Variants in EFTUD2 observed in about 807,000 individuals in gnomAD.
EFTUD2 encodes elongation factor Tu GTP binding domain containing 2.
A neutral mutation model predicts 114.3 loss-of-function variants in EFTUD2; 9 were observed. The observed-to-expected ratio is 0.08, with a 90% CI of 0.05 to 0.14. The LOEUF (loss-of-function observed/expected upper bound fraction) is 0.14, where lower values mean the gene tolerates loss of function less well. EFTUD2 is among the 10% of genes least tolerant of loss of function. The probability of loss-of-function intolerance (pLI) is 1.00; values close to 1 mark genes in which losing one functional copy is unlikely to be tolerated. For missense variants in EFTUD2, 765 were observed against 1,241.2 expected (o/e 0.62, Z 5.76); for synonymous variants, 449 against 462.3 (o/e 0.97, Z 0.37).
intron 13 of EFTUD2, among the ~76,000 whole-genome samples, chr17:44,866,047 C>A (rs1403920590): frequency 6.6e-6 from 1 of 152,076 alleles, no homozygotes; most frequent in South Asian, 2.1e-4. Flanking sequence ...TGATCTCAAG[C>A]GATCTGCCCA....
chr17:44,854,230 C>A lies in EFTUD2; in HGVS notation c.2347+39G>T, dbSNP rs757416223. 10 of 1,576,476 alleles carry A rather than the reference C, an allele frequency of 6.3e-6. No homozygotes were observed. The East Asian group carries it at 1.8e-4, about 28-fold the overall frequency. ...CCACTCATATGCCTGGCTGCAAGGA[C>A]CCTCGAGGACTGGGGTGGGGGAGTG... On this transcript the variant is annotated intron_variant, in intron 23 of 27. Coordinates refer to ENST00000426333, the MANE Select transcript of EFTUD2 (RefSeq NM_004247.4). This position sits in a 1 kb window ranked among gnomAD's most constrained non-coding sequence, Gnocchi z 4.3.
intron 10 of EFTUD2, among the ~76,000 whole-genome samples, chr17:44,875,356 C>T (rs928548165): frequency 2.0e-5 from 3 of 152,046 alleles, no homozygotes; most frequent in African/African-American, 7.2e-5. Context: ...CAGTGAAACC[C>T]TGTCTCTACT....
At position 44,853,293 on chromosome 17, in the gene EFTUD2, C is replaced by T. The variant is rs770770929; in HGVS notation, c.2561+3G>A. ...TCTCCCTAATACGCCTGGGGCCGCT[C>T]ACCTGCGCCTGGCCAGGACGGTATA... On this transcript the variant is annotated splice_donor_region_variant and intron_variant, in intron 25 of 27. Coordinates refer to ENST00000426333, the MANE Select transcript of EFTUD2 (RefSeq NM_004247.4). 5 of 1,613,682 alleles carry T rather than the reference C, an allele frequency of 3.1e-6. No homozygotes were observed. Among genetic ancestry groups the T allele is most frequent in the Non-Finnish European group, 3.4e-6 (4 of 1,179,772 alleles).
intron 20 of EFTUD2, among the ~76,000 whole-genome samples, chr17:44,855,646 C>T (rs1439791667): frequency 6.6e-6 from 1 of 151,888 alleles, no homozygotes; most frequent in Non-Finnish European, 1.5e-5. Flanking sequence ...AGCAAGAGAC[C>T]CCATCTCTAT....
intron 11 of EFTUD2, among the ~76,000 whole-genome samples, chr17:44,870,360 T>C (rs2050824971): frequency 6.6e-6 from 1 of 152,246 alleles, no homozygotes; most frequent in Non-Finnish European, 1.5e-5. Context: ...TTTAATTTCA[T>C]TTATTGTTTA....
At chr17:44,852,673 A>C in intron 25 of EFTUD2, 111 bp from the exon 26 acceptor site, 1 of 1,284,630 alleles carries the variant, frequency 7.8e-7, no homozygotes. Context: ...GTTACCATCA[A>C]AGAAAGAGTA....
rs2050777194 is a variant in EFTUD2, at chr17:44,867,812, C to T, written c.1144G>A (p.Ala382Thr). 3 of 1,591,848 alleles carry T rather than the reference C, an allele frequency of 1.9e-6. No homozygotes were observed. Among genetic ancestry groups the T allele is most frequent in the Non-Finnish European group, 2.6e-6 (3 of 1,168,258 alleles). Residue 382 changes from alanine (A) to threonine (T), a missense_variant, in exon 13 of 28, where the codon GCC becomes ACC. Around this residue, in one of 6 missense-constraint regions of EFTUD2, gnomAD observed 251 missense variants for 357.7 expected, o/e 0.70. Transcript: ENST00000426333. ...FILEPLYKILAQVVGDVDTSL... is the reference protein window; with the variant it reads ...FILEPLYKILTQVVGDVDTSL... ...GTGTGACCTGACACACTCACCTGGG[C>T]GAGGATCTTATAAAGAGGCTCCAAG...
rs1362401594 is a variant in EFTUD2, at chr17:44,850,419, G to T, written c.*855C>A. 6 of 1,575,694 alleles carry T rather than the reference G, an allele frequency of 3.8e-6. No individual in the cohort carries two copies. The highest frequency in any genetic ancestry group is 4.4e-6 in the Non-Finnish European group (5 of 1,147,520). On this transcript the variant is annotated 3_prime_UTR_variant, in exon 28 of 28. Transcript: ENST00000426333. Reference sequence around the variant, plus strand: ...TAGGACTCCTATAGGAGCCGGGGCTGTCCAACTCCCCTAACTCAATCCCTG... The same window carrying T: ...TAGGACTCCTATAGGAGCCGGGGCTTTCCAACTCCCCTAACTCAATCCCTG...
rs2050502342 is a variant in EFTUD2, at chr17:44,854,002, T to C, written c.2347+267A>G. 7 of 1,356,378 alleles carry C rather than the reference T, an allele frequency of 5.2e-6. No homozygotes were observed. Among genetic ancestry groups the C allele is most frequent in the Non-Finnish European group, 6.6e-6 (7 of 1,057,824 alleles). The allele number at this position is 1,356,378 out of a possible 1,614,324, so 84.0% of individuals were successfully genotyped here. ...CATTCCAATCTCATCATCCTCTTGA[T>C]ATCTCTTCTCAAATACGTCCAACGC... On this transcript the variant is annotated intron_variant, in intron 23 of 27. Coordinates refer to ENST00000426333, the MANE Select transcript of EFTUD2 (RefSeq NM_004247.4). This position sits in a 1 kb window ranked among gnomAD's most constrained non-coding sequence, Gnocchi z 4.3.
chr17:44,867,297 ATT>A (rs3058538), intron 13 of EFTUD2, among the ~76,000 whole-genome samples: 39 of 121,248 alleles, frequency 3.2e-4, no homozygotes, highest in African/African-American at 2.8e-4. Flanking sequence ...CTTTCCTTTG[ATT>A]TTTTTTTTTT....
chr17:44,869,447 C>T (rs761613543), intron 11 of EFTUD2, among the ~76,000 whole-genome samples: 7 of 152,214 alleles, frequency 4.6e-5, no homozygotes, highest in South Asian at 2.1e-4. Flanking sequence ...TACAGGTGTG[C>T]GCCATCACGG....
chr17:44,885,454 C>A, intron 3 of EFTUD2, 120 bp from the exon 4 acceptor site: 1 of 747,316 alleles, frequency 1.3e-6, no homozygotes, highest in South Asian at 1.6e-5. Context: ...TTATTTTACT[C>A]TCAAGGATCA....
At chr17:44,883,785 T>C (rs2051116052) in intron 4 of EFTUD2, 61 bp from the exon 5 acceptor site, 2 of 1,544,992 alleles carry the variant, frequency 1.3e-6, no homozygotes, top group African/African-American at 1.4e-5. Context: ...TGAGGAGTGG[T>C]GTAAAGGTGT....
chr17:44,880,459 C>CA, intron 8 of EFTUD2, 95 bp downstream of exon 8: 1 of 844,492 alleles, frequency 1.2e-6, no homozygotes, highest in Non-Finnish European at 1.9e-6. Flanking sequence ...AATGTAAAAA[C>CA]AAAGATGCAC....
intron 20 of EFTUD2, among the ~76,000 whole-genome samples, chr17:44,855,358 C>T (rs536221292): frequency 2.0e-5 from 3 of 152,136 alleles, no homozygotes; most frequent in Non-Finnish European, 4.4e-5. Context: ...GTCAGAAGAT[C>T]GAGCCTACCC....
intron 10 of EFTUD2, 116 bp from the exon 11 acceptor site, chr17:44,872,686 G>A: frequency 7.5e-7 from 1 of 1,331,672 alleles, no homozygotes; most frequent in Non-Finnish European, 1.0e-6. Flanking sequence ...GAAGGGACTT[G>A]TGCAAGACAC....
intron 11 of EFTUD2, among the ~76,000 whole-genome samples, chr17:44,868,936 C>T (rs937138407): frequency 6.6e-6 from 1 of 152,252 alleles, no homozygotes; most frequent in Non-Finnish European, 1.5e-5. Context: ...CCTGGTCAGA[C>T]TGTACCAAAC....
intron 16 of EFTUD2, among the ~76,000 whole-genome samples, chr17:44,861,369 C>T (rs1039117616): frequency 1.1e-4 from 17 of 149,362 alleles, no homozygotes; most frequent in Admixed American, 8.1e-4. Flanking sequence ...CGCTTGAACC[C>T]GGGAGGCAGA....
chr17:44,868,647 G>A (rs2050794433), intron 11 of EFTUD2, among the ~76,000 whole-genome samples: 1 of 152,158 alleles, frequency 6.6e-6, no homozygotes, highest in Non-Finnish European at 1.5e-5. Flanking sequence ...TTCCTTCGAT[G>A]GAACAGGGTC....
Sources: allele counts gnomAD v4.1 joint callset (sites outside exome capture counted in the v4.1 genomes callset), GRCh38; gene constraint gnomAD v4.1.1; regional missense constraint gnomAD v4.1.1; non-coding constraint Gnocchi (gnomAD v3.1); transcripts MANE v1.5; gene names NCBI Gene and HGNC (gene_info 2026-07-23, HGNC 2026-07-21).